RUFY2: variants seen among roughly 807,000 people sequenced by gnomAD.
RUFY2 encodes the protein RUN and FYVE domain containing 2, also known as RUN and FYVE domain-containing protein 2.
RUFY2 carries 49 observed loss-of-function variants against 94.4 expected under a neutral mutation model. The ratio of observed to expected loss-of-function variants is 0.52; its 90% CI spans 0.41 to 0.66. The LOEUF (loss-of-function observed/expected upper bound fraction) is 0.66, where lower values mean the gene tolerates loss of function less well. Among genes scored for constraint, RUFY2 ranks in the 30% least tolerant of loss-of-function variants. RUFY2 has a pLI of 0.00. For synonymous variants in RUFY2, 255 were observed against 235.7 expected, an observed-to-expected ratio of 1.08 and a Z score of -0.75; for missense variants, 541 against 692.8, an observed-to-expected ratio of 0.78 and a Z score of 2.46.
chr10:68,373,680 G>C (rs1267254385), intron 13 of RUFY2, among the ~76,000 whole-genome samples: 1 of 152,178 alleles, frequency 6.6e-6, no homozygotes, highest in East Asian at 1.9e-4. Context: ...GCTGAGGCAG[G>C]AAGATCTCTT....
intron 13 of RUFY2, among the ~76,000 whole-genome samples, chr10:68,373,073 T>C (rs2048388487): frequency 6.6e-6 from 1 of 152,188 alleles, no homozygotes; most frequent in Non-Finnish European, 1.5e-5. Context: ...ATTCTCAATA[T>C]ATGTAAAAGA....
intron 11 of RUFY2, 69 bp from the exon 12 acceptor site, chr10:68,379,590 C>T (rs988027700): frequency 1.1e-4 from 116 of 1,016,644 alleles, no homozygotes; most frequent in African/African-American, 3.3e-4. Flanking sequence ...TGTGTGTGTG[C>T]GTGTTTTTAA....
At chr10:68,346,515 G>A (rs1000822955) in intron 16 of RUFY2, 1 of 157,710 alleles carries the variant, frequency 6.3e-6, no homozygotes, top group African/African-American at 2.4e-5. Flanking sequence ...CTATACAATT[G>A]TATATATTAG....
intron 16 of RUFY2, among the ~76,000 whole-genome samples, chr10:68,351,238 TCTC>T (rs1178726859): frequency 6.7e-6 from 1 of 148,878 alleles, no homozygotes; most frequent in Non-Finnish European, 1.5e-5. Flanking sequence ...CTCAAGCAAT[TCTC>T]CTGCCTCAGC....
At chr10:68,399,908 A>G (rs889813889) in intron 3 of RUFY2, among the ~76,000 whole-genome samples, 1 of 152,074 alleles carries the variant, frequency 6.6e-6, no homozygotes, top group African/African-American at 2.4e-5. Flanking sequence ...CAGCCTCCCA[A>G]GTAGCTGGGA....
chr10:68,357,955 A>G (rs1205942708), intron 15 of RUFY2, among the ~76,000 whole-genome samples: 1 of 152,142 alleles, frequency 6.6e-6, no homozygotes, highest in Non-Finnish European at 1.5e-5. Flanking sequence ...TGGGAGGCTG[A>G]GGTGGGGAGA....
In RUFY2 at chr10:68,363,972, A is replaced by T. The variant is rs188443205; in HGVS notation, c.1455+12T>A. On this transcript the variant is annotated intron_variant, in intron 14 of 17. Coordinates refer to ENST00000602465, the MANE Select transcript of RUFY2 (RefSeq NM_001330103.2). ...GTCAAGACAGAATTTTTAAAGTTTT[A>T]CCACTATTTACTTTTTTAAGACTAA... 11 of 1,547,560 alleles carry T rather than the reference A, an allele frequency of 7.1e-6. No homozygotes were observed. The African/African-American group carries it at 1.5e-4, about 21-fold the overall frequency.
chr10:68,353,658 G>C (rs2046852325), intron 16 of RUFY2, among the ~76,000 whole-genome samples: 2 of 151,934 alleles, frequency 1.3e-5, no homozygotes, highest in South Asian at 4.2e-4. Context: ...AATTAGCCAG[G>C]CAAGGTGGCA....
rs1349647798 is a variant in RUFY2, at chr10:68,351,154, C to T, written c.1599+4199G>A. On this transcript the variant is annotated intron_variant, in intron 16 of 17. Coordinates refer to ENST00000602465, the MANE Select transcript of RUFY2 (RefSeq NM_001330103.2). ...TTTTTTTTTTTTTTTTTTTTTGAGA[C>T]GGAGTCTCACCCTGTTGCCCAGACT... 4.1e-4 allele frequency among the ~76,000 whole-genome samples: 34 copies of T among 83,800 alleles called. 3 individuals carry two copies. The highest frequency in any genetic ancestry group is 8.7e-4 in the African/African-American group (18 of 20,606). 55.0% of individuals were successfully genotyped at this position (83,800 alleles called of 152,430 possible).
intron 1 of RUFY2, chr10:68,405,776 A>G (rs2051246132): frequency 3.3e-6 from 3 of 900,894 alleles, no homozygotes; most frequent in South Asian, 1.0e-4. Context: ...TTATTTTCAA[A>G]GAGAAAATAA....
chr10:68,341,760 TAATC>T (rs761914968), downstream of RUFY2: 1 of 1,599,388 alleles, frequency 6.3e-7, no homozygotes, highest in Non-Finnish European at 8.5e-7. Flanking sequence ...TTTTTAAAGA[TAATC>T]AGGGAGGCTA....
chr10:68,351,813 T>G (rs2046697718), intron 16 of RUFY2, among the ~76,000 whole-genome samples: 1 of 150,426 alleles, frequency 6.6e-6, no homozygotes, highest in Non-Finnish European at 1.5e-5. Context: ...TCCCAGCACT[T>G]TGGGAGGCTG....
intron 10 of RUFY2, among the ~76,000 whole-genome samples, chr10:68,382,582 C>T (rs1329986088): frequency 2.7e-5 from 4 of 150,900 alleles, no homozygotes; most frequent in African/African-American, 4.9e-5. Context: ...GGCGTGGTGG[C>T]GGGCGCCTAT....
intron 7 of RUFY2, among the ~76,000 whole-genome samples, chr10:68,392,851 C>A (rs972823829): frequency 6.7e-6 from 1 of 150,028 alleles, no homozygotes; most frequent in African/African-American, 2.5e-5. Context: ...TCACTTGAAC[C>A]TGGGAGGCGG....
chr10:68,404,711 G>A lies in RUFY2; in HGVS notation c.138C>T (p.Phe46=). ...LDSDYPPLQQ[F]FVVMEHCLKH... is the part of the protein sequence containing the mutation. ...TCAGGCAATGTTCCATAACAACAAA[G>A]AATTGCTGCAAGGGGGGATAGTCAG... is the stretch of plus-strand genomic sequence containing the variant. Residue 46 remains phenylalanine (F), a synonymous_variant, in exon 2 of 18, where the codon TTC becomes TTT. Transcript: ENST00000602465. 6.2e-7 allele frequency: 1 copy of A among 1,612,682 alleles called. No homozygotes were observed. The highest frequency in any genetic ancestry group is 1.1e-5 in the South Asian group (1 of 90,750).
chr10:68,370,167 C>T (rs894231782), intron 13 of RUFY2, among the ~76,000 whole-genome samples: 2 of 152,036 alleles, frequency 1.3e-5, no homozygotes, highest in Non-Finnish European at 2.9e-5. Context: ...TGCCTGTAAT[C>T]CCAGCTACTA....
At chr10:68,370,507 C>G (rs1348564483) in intron 13 of RUFY2, among the ~76,000 whole-genome samples, 9 of 140,310 alleles carry the variant, frequency 6.4e-5, no homozygotes, top group African/African-American at 2.1e-4. Context: ...ATTAGCCAAG[C>G]ATAGTGGTGT....
chr10:68,350,827 C>T (rs1055702736), intron 16 of RUFY2, among the ~76,000 whole-genome samples: 2 of 152,024 alleles, frequency 1.3e-5, no homozygotes, highest in Non-Finnish European at 2.9e-5. Context: ...ATTCTCCTGC[C>T]TCAGCCTCCT....
At chr10:68,345,948 TAA>T (rs1564769146) in intron 17 of RUFY2, 37 bp from the exon 18 acceptor site, 1 of 1,612,398 alleles carries the variant, frequency 6.2e-7, no homozygotes, top group Admixed American at 1.7e-5. Flanking sequence ...AAAAACACTT[TAA>T]ATAAAATTAG....
Sources: gnomAD v4.1 joint callset for allele counts (sites outside exome capture counted in the v4.1 genomes callset) on GRCh38, gnomAD v4.1.1 for gene constraint, MANE v1.5 for transcripts, NCBI Gene and HGNC (gene_info 2026-07-23, HGNC 2026-07-21) for gene names.